Variants in MOV10L1 observed in about 807,000 individuals in gnomAD.
MOV10L1 encodes Mov10 like RNA helicase 1, also known as RNA helicase Mov10l1.
In MOV10L1, 110 loss-of-function variants were observed where a neutral mutation model predicts 143.8. That is an observed-to-expected ratio of 0.76 (90% CI 0.66 to 0.90). MOV10L1 has a LOEUF of 0.90. Ranked by LOEUF, MOV10L1 falls within the 40% of genes least tolerant of loss-of-function variation. The probability of loss-of-function intolerance (pLI) is 0.00; values close to 1 mark genes in which losing one functional copy is unlikely to be tolerated. For missense variants in MOV10L1, 1,406 were observed against 1,526.8 expected (o/e 0.92, Z 1.32); for synonymous variants, 593 against 581.1 (o/e 1.02, Z -0.29).
chr22:50,146,640 T>C (rs1340956299), intron 19 of MOV10L1, among the ~76,000 whole-genome samples: 1 of 151,148 alleles, frequency 6.6e-6, no homozygotes. Context: ...AGCGTCACAG[T>C]GGTCGTGACC....
chr22:50,093,762 C>G (rs761859482), intron 2 of MOV10L1: 1 of 152,230 alleles, frequency 6.6e-6, no homozygotes, highest in Admixed American at 6.5e-5. Flanking sequence ...CCTTCCACCT[C>G]GGCCTCCCAA....
Position 50,144,101 on chromosome 22 carries a change from A to C in MOV10L1, c.2363A>C (p.His788Pro). 6.2e-7 allele frequency: 1 copy of C among 1,608,576 alleles called. No individual in the cohort carries two copies. The highest frequency in any genetic ancestry group is 1.1e-5 in the South Asian group (1 of 90,940). The change falls in exon 18 of 27, where the codon CAC becomes CCC. Residue 788 changes from histidine to proline, a missense_variant. His to Pro is a moderately conservative substitution (Grantham distance 77). Around this residue, in one of 3 missense-constraint regions of MOV10L1, gnomAD observed 1,233 missense variants for 1,351.4 expected, o/e 0.91. Coordinates refer to ENST00000262794, the MANE Select transcript of MOV10L1 (RefSeq NM_018995.3). ...VTIIEAVLQVHFALPDSRILV... is the reference protein window; with the variant it reads ...VTIIEAVLQVPFALPDSRILV... ...TCTTGTGTGTCTTTGATGAAGGTAC[A>C]CTTTGCCTTGCCGGACAGTCGGATT...
chr22:50,159,805 G>GT lies in MOV10L1; in HGVS notation c.3324+21dup, dbSNP rs1569056613. 1 of 1,529,036 alleles carries GT rather than the reference G, an allele frequency of 6.5e-7. No homozygotes were observed. Among genetic ancestry groups the GT allele is most frequent in the South Asian group, 1.1e-5 (1 of 88,668 alleles). The allele number at this position is 1,529,036 out of a possible 1,614,324, so 94.7% of individuals were successfully genotyped here. On this transcript the variant is annotated intron_variant, in intron 24 of 26. Transcript: ENST00000262794. This position sits in a 1 kb window ranked among gnomAD's most constrained non-coding sequence, Gnocchi z 4.1. ...TCGACCGTAGGTATCCCTGTTCTCC[G>GT]TGGGGATGGACAGTCAGGTGCTTGC... is the stretch of plus-strand genomic sequence containing the variant.
In MOV10L1 at chr22:50,159,133, G is replaced by A. The variant is rs1718296059; in HGVS notation, c.3217-545G>A. On this transcript the variant is annotated intron_variant, in intron 23 of 26. Coordinates refer to ENST00000262794, the MANE Select transcript of MOV10L1 (RefSeq NM_018995.3). This position sits in a 1 kb window ranked among gnomAD's most constrained non-coding sequence, Gnocchi z 4.1. Reference sequence around the variant, plus strand: ...TCCTTGATATGTGCTTGTGGGGAGGGAGGATTTTCCACATGAAACTTGGCT... The same window carrying A: ...TCCTTGATATGTGCTTGTGGGGAGGAAGGATTTTCCACATGAAACTTGGCT... 1 of 152,204 alleles carries A rather than the reference G, an allele frequency of 6.6e-6. No homozygotes were observed. The highest frequency in any genetic ancestry group is 2.1e-4 in the South Asian group (1 of 4,832). 9.4% of individuals were successfully genotyped at this position (152,204 alleles called of 1,614,324 possible). A position where few individuals can be genotyped will look rare whatever the true frequency, so the allele number is the denominator to read the frequency against.
rs776993777 is a variant in MOV10L1, at chr22:50,142,187, G to A, written c.2177G>A (p.Trp726Ter). The change falls in exon 16 of 27, where the codon TGG (tryptophan) becomes TAG (stop). Residue 726 changes from tryptophan (W) to a stop codon, truncating the protein, a stop_gained and splice_region_variant. Coordinates refer to ENST00000262794, the MANE Select transcript of MOV10L1 (RefSeq NM_018995.3). LOFTEE classifies it high-confidence loss of function. ...LAPFTAEMSD[W>*]VDEIQTPKAR... is the part of the protein sequence containing the mutation. The stretch of plus-strand genomic sequence containing the variant: ...CCCTTTACTGCAGAGATGAGCGATT[G>A]GGGTATGTGCTCATGAGGGGCAAGG... The A allele has an allele frequency of 6.2e-7, 1 of 1,610,652 alleles. No homozygotes were observed. The highest frequency in any genetic ancestry group is 8.5e-7 in the Non-Finnish European group (1 of 1,178,352).
chr22:50,103,301 A>C (rs2061792007), intron 3 of MOV10L1, among the ~76,000 whole-genome samples: 1 of 152,204 alleles, frequency 6.6e-6, no homozygotes, highest in African/African-American at 2.4e-5. Flanking sequence ...CACATGTGAG[A>C]TGGGAATTCT....
intron 10 of MOV10L1, among the ~76,000 whole-genome samples, chr22:50,121,060 G>A (rs1472156990): frequency 6.6e-6 from 1 of 152,242 alleles, no homozygotes; most frequent in Non-Finnish European, 1.5e-5. Context: ...CGTTCTGAGT[G>A]GGGTAGGTGG....
chr22:50,115,331 G>A (rs1316874524), intron 8 of MOV10L1, 85 bp downstream of exon 8: 1 of 1,376,524 alleles, frequency 7.3e-7, no homozygotes, highest in Non-Finnish European at 9.4e-7. Context: ...GTACTCCTTT[G>A]TGGCGGGTGG....
At chr22:50,109,031 C>G (rs572788969) in intron 5 of MOV10L1, among the ~76,000 whole-genome samples, 187 bp downstream of exon 5, 1 of 152,212 alleles carries the variant, frequency 6.6e-6, no homozygotes, top group African/African-American at 2.4e-5. Context: ...GTAATCCCAG[C>G]TACTCGGGAG....
At chr22:50,117,493 T>C (rs556744869) in intron 9 of MOV10L1, 142 bp downstream of exon 9, 161 of 840,134 alleles carry the variant, frequency 1.9e-4, no homozygotes, top group Admixed American at 3.5e-4. Context: ...CCTCTTTCCA[T>C]GATTGTATTT....
intron 12 of MOV10L1, 150 bp from the exon 13 acceptor site, chr22:50,128,266 G>A (rs1291228609): frequency 2.1e-5 from 12 of 576,428 alleles, no homozygotes; most frequent in Non-Finnish European, 3.5e-5. Flanking sequence ...TTGTATAATC[G>A]AATGGCGTAA....
chr22:50,134,714 G>T (rs145830036), intron 15 of MOV10L1, 84 bp downstream of exon 15: 13 of 1,187,752 alleles, frequency 1.1e-5, no homozygotes, highest in Non-Finnish European at 1.6e-5. Context: ...GCTCAGCGGC[G>T]TGACTGTCTC....
In MOV10L1 at chr22:50,160,285, C is replaced by T. The variant is rs1168991374; in HGVS notation, c.3325-403C>T. 4.3e-5 allele frequency among the ~76,000 whole-genome samples: 6 copies of T among 138,592 alleles called. No homozygotes were observed. The South Asian group carries it at 7.3e-4, about 17-fold the overall frequency. 90.9% of individuals were successfully genotyped at this position (138,592 alleles called of 152,430 possible). ...TTTTTTTGAGATGGCGTCGCTCTGT[C>T]GCCCAGGCTGGAGTGCAGTGGCGCG... On this transcript the variant is annotated intron_variant, in intron 24 of 26. Coordinates refer to ENST00000262794, the MANE Select transcript of MOV10L1 (RefSeq NM_018995.3).
At chr22:50,154,490 C>T (rs537501489) in intron 22 of MOV10L1, among the ~76,000 whole-genome samples, 2 of 151,994 alleles carry the variant, frequency 1.3e-5, no homozygotes, top group South Asian at 4.1e-4. Context: ...ATTGCTTGAG[C>T]CCAGGAGATT....
At chr22:50,142,245 AC>A (rs1289392841) in intron 16 of MOV10L1, 56 bp downstream of exon 16, 1 of 1,459,856 alleles carries the variant, frequency 6.8e-7, no homozygotes. Context: ...CGCCTGGAAA[AC>A]GGGGACTTTG....
At chr22:50,145,055 G>C (rs1284257331) in intron 18 of MOV10L1, among the ~76,000 whole-genome samples, 1 of 152,106 alleles carries the variant, frequency 6.6e-6, no homozygotes, top group Non-Finnish European at 1.5e-5. Flanking sequence ...CAATTCTCCT[G>C]CCTCAGCCTC....
In MOV10L1 at chr22:50,159,523, A is replaced by C. The variant is rs1357798318; in HGVS notation, c.3217-155A>C. Among the ~76,000 whole-genome samples, 1 of 151,556 alleles carries C rather than the reference A, an allele frequency of 6.6e-6. No individual in the cohort carries two copies. Among genetic ancestry groups the C allele is most frequent in the Non-Finnish European group, 1.5e-5 (1 of 67,920 alleles). Reference sequence around the variant, plus strand: ...AGGCTGAGGCAGGAGAATTGCTTGAACCCGGGAGGCAGAGGTTGCAGTGAG... The same window carrying C: ...AGGCTGAGGCAGGAGAATTGCTTGACCCCGGGAGGCAGAGGTTGCAGTGAG... On this transcript the variant is annotated intron_variant, in intron 23 of 26. Coordinates refer to ENST00000262794, the MANE Select transcript of MOV10L1 (RefSeq NM_018995.3). This position sits in a 1 kb window ranked among gnomAD's most constrained non-coding sequence, Gnocchi z 4.1.
intron 15 of MOV10L1, 31 bp downstream of exon 15, chr22:50,134,661 C>T: frequency 6.3e-7 from 1 of 1,590,346 alleles, no homozygotes; most frequent in East Asian, 2.2e-5. Context: ...TTTCTCTACA[C>T]AGGGGATGGC....
At chr22:50,109,466 G>T (rs181982786) in intron 5 of MOV10L1, among the ~76,000 whole-genome samples, 2 of 151,532 alleles carry the variant, frequency 1.3e-5, no homozygotes, top group African/African-American at 4.8e-5. Flanking sequence ...TCAGGGGATC[G>T]AGACCATCCT....
Sources: allele counts gnomAD v4.1 joint callset (sites outside exome capture counted in the v4.1 genomes callset), GRCh38; gene constraint gnomAD v4.1.1; regional missense constraint gnomAD v4.1.1; non-coding constraint Gnocchi (gnomAD v3.1); transcripts MANE v1.5; gene names NCBI Gene and HGNC (gene_info 2026-07-23, HGNC 2026-07-21).